The following CCDC152 variants were observed in gnomAD, a reference collection of about 807,000 sequenced individuals.
The protein encoded by CCDC152 is coiled-coil domain containing 152.
In CCDC152, 37 loss-of-function variants were observed where a neutral mutation model predicts 38.1. That is an observed-to-expected ratio of 0.97 (90% confidence interval 0.75 to 1.28). CCDC152 has a LOEUF of 1.28. Ranked by LOEUF, CCDC152 falls within the 50% of genes most tolerant of loss-of-function variation. CCDC152 has a pLI of 0.00. For missense variants in CCDC152, 259 were observed against 292.1 expected (o/e 0.89, Z 0.83); for synonymous variants, 83 against 87.1 (o/e 0.95, Z 0.26).
intron 3 of CCDC152, among the ~76,000 whole-genome samples, chr5:42,764,719 C>T (rs1216497930): frequency 1.3e-5 from 2 of 152,112 alleles, no homozygotes; most frequent in Admixed American, 1.3e-4. Context: ...TGATAAAATT[C>T]AACATTCCTT....
chr5:42,757,982 A>T (rs1452317666), intron 1 of CCDC152, among the ~76,000 whole-genome samples: 1 of 152,192 alleles, frequency 6.6e-6, no homozygotes, highest in Non-Finnish European at 1.5e-5. Context: ...AATTATTTTT[A>T]ATTTTACTCC....
chr5:42,782,571 G>A (rs1240591667), intron 5 of CCDC152, among the ~76,000 whole-genome samples: 1 of 152,076 alleles, frequency 6.6e-6, no homozygotes, highest in Non-Finnish European at 1.5e-5. Context: ...AAAAATTTTA[G>A]TTGGAAAGGA....
intron 4 of CCDC152, 24 bp downstream of exon 4, chr5:42,769,689 T>A: frequency 6.8e-7 from 1 of 1,462,068 alleles, no homozygotes; most frequent in Non-Finnish European, 9.0e-7. Context: ...AAAAGTAAAA[T>A]CTAAAAAAGC....
In CCDC152 at chr5:42,769,680, A is replaced by C. The variant is rs1190314652; in HGVS notation, c.262+15A>C. The stretch of plus-strand genomic sequence containing the variant: ...GAATTTGAAAGGTAAGTTAGAAAAA[A>C]AAGTAAAATCTAAAAAAGCATTGTG... On this transcript the variant is annotated intron_variant, in intron 4 of 8. Coordinates refer to ENST00000361970, the MANE Select transcript of CCDC152 (RefSeq NM_001134848.2). 1 of 1,468,774 alleles carries C rather than the reference A, an allele frequency of 6.8e-7. No homozygotes were observed. The highest frequency in any genetic ancestry group is 1.4e-5 in the South Asian group (1 of 71,336). The allele number at this position is 1,468,774 out of a possible 1,614,324, so 91.0% of individuals were successfully genotyped here. A position where few individuals can be genotyped will look rare whatever the true frequency, so the allele number is the denominator to read the frequency against.
chr5:42,773,648 A>G (rs1759729958), intron 4 of CCDC152, among the ~76,000 whole-genome samples: 1 of 152,214 alleles, frequency 6.6e-6, no homozygotes, highest in Admixed American at 6.5e-5. Flanking sequence ...ACATATATTG[A>G]GGACAATAAT....
intron 1 of CCDC152, among the ~76,000 whole-genome samples, chr5:42,757,226 A>G (rs1380956359): frequency 6.6e-6 from 1 of 152,138 alleles, no homozygotes; most frequent in East Asian, 1.9e-4. Context: ...GGACACTAGG[A>G]TGACGGAGAG....
intron 5 of CCDC152, among the ~76,000 whole-genome samples, chr5:42,781,548 C>T (rs1337699111): frequency 8.5e-5 from 9 of 105,974 alleles, no homozygotes; most frequent in Non-Finnish European, 1.5e-4. Flanking sequence ...GAAAAATGCG[C>T]GCGCGCGCAC....
chr5:42,782,369 C>G (rs1759857662), intron 5 of CCDC152, among the ~76,000 whole-genome samples: 1 of 152,010 alleles, frequency 6.6e-6, no homozygotes, highest in Non-Finnish European at 1.5e-5. Flanking sequence ...TTTTGAGCAT[C>G]CTTAATATTC....
intron 4 of CCDC152, among the ~76,000 whole-genome samples, chr5:42,771,913 G>A (rs142804087): frequency 9.9e-5 from 15 of 152,176 alleles, no homozygotes; most frequent in African/African-American, 3.6e-4. Context: ...CATCCTATGA[G>A]GCCAGCATCA....
chr5:42,796,740 A>T (rs778663883), intron 6 of CCDC152, 89 bp from the exon 7 acceptor site: 502 of 886,366 alleles, frequency 5.7e-4, no homozygotes, highest in Middle Eastern at 1.1e-3. Context: ...TTACTTTTTT[A>T]GGAATGATTT....
At chr5:42,779,060 A>G (rs1480383236) in intron 4 of CCDC152, among the ~76,000 whole-genome samples, 1 of 152,150 alleles carries the variant, frequency 6.6e-6, no homozygotes, top group Non-Finnish European at 1.5e-5. Context: ...GATTTTCTGC[A>G]TTTAGAATGC....
At chr5:42,784,607 A>C (rs928740397) in intron 6 of CCDC152, among the ~76,000 whole-genome samples, 2 of 151,212 alleles carry the variant, frequency 1.3e-5, no homozygotes, top group African/African-American at 4.8e-5. Context: ...AAACTCTTTA[A>C]ATCCGATTTG....
intron 6 of CCDC152, among the ~76,000 whole-genome samples, chr5:42,792,844 G>A (rs1257108235): frequency 6.6e-6 from 1 of 152,176 alleles, no homozygotes; most frequent in African/African-American, 2.4e-5. Flanking sequence ...GGATTTTAGA[G>A]TGCAGGAGCT....
chr5:42,759,027 T>A, intron 1 of CCDC152, 93 bp from the exon 2 acceptor site: 1 of 876,124 alleles, frequency 1.1e-6, no homozygotes, highest in Non-Finnish European at 1.7e-6. Context: ...ATGAGTTGAA[T>A]ATAGAAATGT....
chr5:42,759,991 G>C (rs1325315578), intron 2 of CCDC152, among the ~76,000 whole-genome samples: 1 of 152,044 alleles, frequency 6.6e-6, no homozygotes, highest in Non-Finnish European at 1.5e-5. Flanking sequence ...GGATAAAAGG[G>C]AATTGCTATA....
chr5:42,798,076 G>A (rs190381627), intron 7 of CCDC152, among the ~76,000 whole-genome samples: 24 of 152,240 alleles, frequency 1.6e-4, no homozygotes, highest in African/African-American at 4.6e-4. Flanking sequence ...ACTTGAACCC[G>A]GGAGGCAGAC....
At chr5:42,775,213 C>A (rs1053300998) in intron 4 of CCDC152, among the ~76,000 whole-genome samples, 1 of 152,004 alleles carries the variant, frequency 6.6e-6, no homozygotes, top group Non-Finnish European at 1.5e-5. Flanking sequence ...AACCACAGAT[C>A]CAGGAAGCTC....
chr5:42,772,884 T>A (rs764037050), intron 4 of CCDC152, among the ~76,000 whole-genome samples: 1 of 152,180 alleles, frequency 6.6e-6, no homozygotes, highest in African/African-American at 2.4e-5. Context: ...AGCTCTTTTC[T>A]CTCCTTAACA....
At chr5:42,799,238 G>T (rs1579725948) in intron 7 of CCDC152, 137 bp from the exon 8 acceptor site, 1 of 457,422 alleles carries the variant, frequency 2.2e-6, no homozygotes, top group Non-Finnish European at 3.8e-6. Flanking sequence ...CTTAAAGAAA[G>T]ATTTTTCTAT....
Sources: gnomAD v4.1 joint callset for allele counts (sites outside exome capture counted in the v4.1 genomes callset) on GRCh38, gnomAD v4.1.1 for gene constraint, MANE v1.5 for transcripts, NCBI Gene and HGNC (gene_info 2026-07-23, HGNC 2026-07-21) for gene names.